Variants in SPIRE2 observed in about 807,000 individuals in gnomAD.
SPIRE2 encodes the protein protein spire homolog 2.
Under a neutral mutation model 80.7 loss-of-function variants are expected in SPIRE2, and 76 were observed. The ratio of observed to expected loss-of-function variants is 0.94; its 90% confidence interval spans 0.78 to 1.14. The LOEUF (loss-of-function observed/expected upper bound fraction) is 1.14. Ranked by LOEUF, SPIRE2 falls within the 50% of genes most tolerant of loss-of-function variation. SPIRE2 has a pLI of 0.00. For synonymous variants in SPIRE2, 535 were observed against 432.6 expected, an observed-to-expected ratio of 1.24 and a Z score of -2.94; for missense variants, 1,196 against 1,015.3, an observed-to-expected ratio of 1.18 and a Z score of -2.42.
intron 1 of SPIRE2, among the ~76,000 whole-genome samples, chr16:89,844,527 C>T (rs930969947): frequency 6.6e-6 from 1 of 151,846 alleles, no homozygotes; most frequent in Non-Finnish European, 1.5e-5. Flanking sequence ...CAAGCTCTGC[C>T]TCCTGGGTTC....
In SPIRE2 at chr16:89,859,187, A is replaced by G; in HGVS notation, c.1295A>G (p.Glu432Gly). 6.3e-7 allele frequency: 1 copy of G among 1,589,914 alleles called. No homozygotes were observed. The highest frequency in any genetic ancestry group is 8.6e-7 in the Non-Finnish European group (1 of 1,166,322). Reference sequence around the variant, plus strand: ...CAGGAAGAAGAGTCTCCGTGTGGGGAGGTGACGCTGAAACGGGACCGCTCC... The same window carrying G: ...CAGGAAGAAGAGTCTCCGTGTGGGGGGGTGACGCTGAAACGGGACCGCTCC... ...TSEEEESPCG[E>G]VTLKRDRSFS... The change falls in exon 9 of 15, where the codon GAG (glutamate) becomes GGG (glycine). Residue 432 changes from glutamate to glycine, a missense_variant. Transcript: ENST00000378247.
rs1451893712 is a variant in SPIRE2 at position 89,870,040 on chromosome 16, C to T, written c.1923-10C>T. On this transcript the variant is annotated splice_polypyrimidine_tract_variant and intron_variant, in intron 14 of 14. Transcript: ENST00000378247. ...GCTCCTCTCCCTGAGTGCCCTCTCC[C>T]ACTTCCCAGGTCTCTGCAAGGGCCA... is the stretch of plus-strand genomic sequence containing the variant. 6.2e-7 allele frequency: 1 copy of T among 1,609,282 alleles called. No homozygotes were observed. The highest frequency in any genetic ancestry group is 8.5e-7 in the Non-Finnish European group (1 of 1,178,228).
rs749606104 is a variant in SPIRE2, at chr16:89,869,613, T to C, written c.1853T>C (p.Leu618Pro). 1 of 1,614,134 alleles carries C rather than the reference T, an allele frequency of 6.2e-7. No homozygotes were observed. Among genetic ancestry groups the C allele is most frequent in the South Asian group, 1.1e-5 (1 of 91,086 alleles). Residue 618 changes from leucine (L) to proline (P), a missense_variant, in exon 14 of 15, where the codon CTG (leucine) becomes CCG (proline). Transcript: ENST00000378247. The part of the protein sequence containing the change: ...KKFGHIPVYT[L>P]GFESPQRVSA... ...TTTGGACACATCCCTGTCTACACAC[T>C]GGGCTTTGAGAGTCCTCAGAGGGTA...
In SPIRE2 at chr16:89,870,366, A is replaced by G. The variant is rs1344236390; in HGVS notation, c.*94A>G. 2.9e-6 allele frequency: 2 copies of G among 680,164 alleles called. No homozygotes were observed. Among genetic ancestry groups the G allele is most frequent in the Non-Finnish European group, 5.1e-6 (2 of 395,870 alleles). 42.1% of individuals were successfully genotyped at this position (680,164 alleles called of 1,614,324 possible). On this transcript the variant is annotated 3_prime_UTR_variant, in exon 15 of 15. Transcript: ENST00000378247. ...TGTGCATGTACATATATACATATATAGATACATTTATAATATATACACACA... is the reference window on the plus strand; with the variant it reads ...TGTGCATGTACATATATACATATATGGATACATTTATAATATATACACACA...
chr16:89,837,683 C>T (rs1208177913), intron 1 of SPIRE2, among the ~76,000 whole-genome samples: 1 of 151,466 alleles, frequency 6.6e-6, no homozygotes, highest in Non-Finnish European at 1.5e-5. Flanking sequence ...CTCCCGGACT[C>T]GGGTCTCCGC....
In SPIRE2 at chr16:89,870,480, C is replaced by G; in HGVS notation, c.*208C>G. 1 of 516,602 alleles carries G rather than the reference C, an allele frequency of 1.9e-6. No homozygotes were observed. Among genetic ancestry groups the G allele is most frequent in the Admixed American group, 3.4e-5 (1 of 29,598 alleles). The allele number at this position is 516,602 out of a possible 1,614,324, so 32.0% of individuals were successfully genotyped here. A position where few individuals can be genotyped will look rare whatever the true frequency, so the allele number is the denominator to read the frequency against. ...AAACCCTCCCTGGGGGAGGCTGTTT[C>G]TTCTCAGGATTCCTTGCCAGGGAGG... On this transcript the variant is annotated 3_prime_UTR_variant, in exon 15 of 15. Coordinates refer to ENST00000378247, the MANE Select transcript of SPIRE2 (RefSeq NM_032451.2).
At chr16:89,834,910 C>T (rs75417098) in intron 1 of SPIRE2, among the ~76,000 whole-genome samples, 7,466 of 68,364 alleles carry the variant, frequency 0.11, 369 homozygotes, top group East Asian at 0.35. Context: ...GAAGGCCCCA[C>T]AAGCATAGCC....
intron 1 of SPIRE2, among the ~76,000 whole-genome samples, chr16:89,838,164 ATTTTTTTT>A (rs34507409): frequency 3.2e-4 from 28 of 87,516 alleles, no homozygotes; most frequent in South Asian, 4.1e-4. Context: ...CACGCTCAGC[ATTTTTTTT>A]TTTTTTTTTT....
At position 89,854,585 on chromosome 16, in the gene SPIRE2, G is replaced by A. The variant is rs193226518; in HGVS notation, c.825G>A (p.Gln275=). The A allele has an allele frequency of 1.6e-4, 255 of 1,611,138 alleles. No homozygotes were observed. In the East Asian group the frequency reaches 3.1e-3, roughly 20 times the overall value. ...TCAACCCCCTCCCCACCGAGTTCCA[G>A]CTCACGCCCTTCGAGATGCTGATGC... is the stretch of plus-strand genomic sequence containing the variant. ...QEFNPLPTEF[Q]LTPFEMLMQD... The change falls in exon 5 of 15, where the codon CAG becomes CAA. Residue 275 remains glutamine, a synonymous_variant. Coordinates refer to ENST00000378247, the MANE Select transcript of SPIRE2 (RefSeq NM_032451.2).
At position 89,869,554 on chromosome 16, in the gene SPIRE2, C is replaced by G; in HGVS notation, c.1807-13C>G. The G allele has an allele frequency of 6.3e-7, 1 of 1,575,112 alleles. No homozygotes were observed. Among genetic ancestry groups the G allele is most frequent in the Non-Finnish European group, 8.7e-7 (1 of 1,144,858 alleles). ...GTGGTGCCTGGTTCATACCTCCTCC[C>G]TCTGTGCTGCAGATGAAGATGCCTT... is the stretch of plus-strand genomic sequence containing the variant. On this transcript the variant is annotated splice_polypyrimidine_tract_variant and intron_variant, in intron 13 of 14. Transcript: ENST00000378247.
chr16:89,840,331 G>T (rs2041492076), intron 1 of SPIRE2, among the ~76,000 whole-genome samples: 1 of 143,756 alleles, frequency 7.0e-6, no homozygotes, highest in Non-Finnish European at 1.5e-5. Context: ...CTCACTGCAA[G>T]CTCCACCTCC....
intron 13 of SPIRE2, 29 bp from the exon 14 acceptor site, chr16:89,869,538 G>C (rs2041820444): frequency 1.3e-6 from 2 of 1,490,694 alleles, no homozygotes; most frequent in African/African-American, 1.4e-5. Context: ...GGTGGTGCCT[G>C]GTTCATACCT....
intron 7 of SPIRE2, 86 bp from the exon 8 acceptor site, chr16:89,858,252 G>A (rs913098830): frequency 1.5e-6 from 2 of 1,357,742 alleles, no homozygotes; most frequent in African/African-American, 3.0e-5. Context: ...AGGGAATTAA[G>A]CCAGCTGGTG....
At chr16:89,857,569 C>T (rs1331917362) in intron 7 of SPIRE2, among the ~76,000 whole-genome samples, 1 of 151,474 alleles carries the variant, frequency 6.6e-6, no homozygotes, top group South Asian at 2.1e-4. Flanking sequence ...TTTTTCTTTT[C>T]TTTTCCTTTT....
chr16:89,855,719 G>T, intron 6 of SPIRE2, 33 bp downstream of exon 6: 2 of 1,603,568 alleles, frequency 1.2e-6, no homozygotes, highest in East Asian at 2.2e-5. Context: ...CTCAGGGGCC[G>T]CCCGGGGCCT....
At chr16:89,860,255 T>C (rs2041730840) in intron 9 of SPIRE2, among the ~76,000 whole-genome samples, 2 of 152,142 alleles carry the variant, frequency 1.3e-5, no homozygotes. Context: ...GGAGCCACCC[T>C]CTTCGCTTTT....
chr16:89,860,684 T>G lies in SPIRE2; in HGVS notation c.1464T>G (p.Gly488=). The change falls in exon 10 of 15, where the codon GGT becomes GGG. Residue 488 remains glycine (G), a splice_region_variant and synonymous_variant. Coordinates refer to ENST00000378247, the MANE Select transcript of SPIRE2 (RefSeq NM_032451.2). ...GATGGAGCCTCTGCTCTCCCCCAGG[T>G]ACCTGTCCCGCGAGTGTCTCTGACC... The part of the protein sequence containing the change: ...HVWRPGSRDQ[G]TCPASVSDPS... The G allele has an allele frequency of 6.3e-7, 1 of 1,583,338 alleles. No homozygotes were observed.
intron 12 of SPIRE2, among the ~76,000 whole-genome samples, chr16:89,865,104 T>TC (rs2041778111): frequency 6.6e-6 from 1 of 151,846 alleles, no homozygotes; most frequent in Non-Finnish European, 1.5e-5. Flanking sequence ...CCTCCTGAGT[T>TC]CCCACCATTC....
chr16:89,868,080 A>G (rs2041805482), intron 12 of SPIRE2, 109 bp from the exon 13 acceptor site: 3 of 1,196,978 alleles, frequency 2.5e-6, no homozygotes, highest in Non-Finnish European at 3.7e-6. Flanking sequence ...ATCAGGCAGA[A>G]GGCAAGGATG....
Sources: allele counts gnomAD v4.1 joint callset (sites outside exome capture counted in the v4.1 genomes callset), GRCh38; gene constraint gnomAD v4.1.1; transcripts MANE v1.5; gene names NCBI Gene and HGNC (gene_info 2026-07-23, HGNC 2026-07-21).